Variants in FOXP2 observed in about 807,000 individuals in gnomAD.
FOXP2 encodes the protein forkhead box protein P2.
In FOXP2, 12 loss-of-function variants were observed where a neutral mutation model predicts 115.8. The observed-to-expected ratio is 0.10, with a 90% confidence interval of 0.07 to 0.17. The LOEUF is 0.17. FOXP2 is among the 10% of genes least tolerant of loss of function. FOXP2 has a pLI of 1.00. For synonymous variants in FOXP2, 328 were observed against 297.7 expected, an observed-to-expected ratio of 1.10 and a Z score of -1.05; for missense variants, 629 against 843.5, an observed-to-expected ratio of 0.75 and a Z score of 3.15.
At chr7:114,684,978 G>A (rs1808284880) in intron 16 of FOXP2, among the ~76,000 whole-genome samples, 1 of 151,576 alleles carries the variant, frequency 6.6e-6, no homozygotes, top group South Asian at 2.1e-4. Flanking sequence ...TAGTTGTTGA[G>A]TTCAGTTGGT....
intron 2 of FOXP2, among the ~76,000 whole-genome samples, chr7:114,408,772 ATGTGTGCCT>A (rs1793097410): frequency 6.6e-6 from 1 of 151,960 alleles, no homozygotes; most frequent in African/African-American, 2.4e-5. Flanking sequence ...AATACAATGA[ATGTGTGCCT>A]TATCTTTTCA....
At chr7:114,189,422 C>T (rs1793697375) in intron 1 of FOXP2, among the ~76,000 whole-genome samples, 1 of 152,016 alleles carries the variant, frequency 6.6e-6, no homozygotes, top group Non-Finnish European at 1.5e-5. Context: ...GATGGTAAAC[C>T]TTTAAAATTA....
intron 1 of FOXP2, among the ~76,000 whole-genome samples, chr7:114,189,651 T>C (rs1327448520): frequency 6.6e-6 from 1 of 152,170 alleles, no homozygotes; most frequent in African/African-American, 2.4e-5. Flanking sequence ...GAAACAGTAA[T>C]ATATAGTTAA....
At chr7:114,480,859 G>A (rs1456302051) in intron 2 of FOXP2, among the ~76,000 whole-genome samples, 1 of 150,992 alleles carries the variant, frequency 6.6e-6, no homozygotes, top group Non-Finnish European at 1.5e-5. Context: ...AGAGTTGACA[G>A]TGATCATTAA....
Position 114,678,391 on chromosome 7 carries a change from C to A in FOXP2, c.2004-11391C>A, listed in dbSNP as rs150735477. On this transcript the variant is annotated intron_variant, in intron 16 of 16. Transcript: ENST00000350908. ...GGAGTTTGAGAGCCGTGTCTTATAG[C>A]TCATTAATTTCCAAGCTGCTGATAT... 3.1e-3 allele frequency among the ~76,000 whole-genome samples: 471 copies of A among 152,082 alleles called. 4 individuals carry two copies. Among genetic ancestry groups the A allele is most frequent in the African/African-American group, 0.01 (430 of 41,488 alleles).
intron 1 of FOXP2, among the ~76,000 whole-genome samples, chr7:114,239,039 A>C (rs1033029915): frequency 4.0e-5 from 6 of 150,874 alleles, no homozygotes; most frequent in Non-Finnish European, 8.8e-5. Context: ...CGTTTCAGTT[A>C]TAGCTTTACA....
chr7:114,519,229 G>T (rs140224918), intron 2 of FOXP2, among the ~76,000 whole-genome samples: 1 of 152,102 alleles, frequency 6.6e-6, no homozygotes, highest in Non-Finnish European at 1.5e-5. Context: ...GTCTAATTTG[G>T]TGTTGGCAGG....
Position 114,642,779 on chromosome 7 carries a change from A to AATATATAT in FOXP2, c.989+183_989+190dup, listed in dbSNP as rs869055954. 1.1e-3 allele frequency among the ~76,000 whole-genome samples: 104 copies of AATATATAT among 91,136 alleles called. No homozygotes were observed. The East Asian group carries it at 0.022, about 20-fold the overall frequency. 59.8% of individuals were successfully genotyped at this position (91,136 alleles called of 152,430 possible). ...AGATTATTTATCTTATTTTATATAT[A>AATATATAT]ATATATATATATATATATATATATA... On this transcript the variant is annotated intron_variant, in intron 7 of 16. Coordinates refer to ENST00000350908, the MANE Select transcript of FOXP2 (RefSeq NM_014491.4).
intron 16 of FOXP2, chr7:114,669,516 C>T (rs1474395342): frequency 1.3e-5 from 2 of 151,950 alleles, no homozygotes; most frequent in African/African-American, 4.8e-5. Flanking sequence ...CCCTTATGCA[C>T]CTGAATGCCA....
intron 2 of FOXP2, among the ~76,000 whole-genome samples, chr7:114,473,669 G>A (rs1006960752): frequency 2.0e-5 from 3 of 152,020 alleles, no homozygotes; most frequent in Non-Finnish European, 4.4e-5. Context: ...ATATTGAAAT[G>A]ACTCCAAACC....
At chr7:114,521,198 T>C (rs760736459) in intron 2 of FOXP2, among the ~76,000 whole-genome samples, 7 of 152,168 alleles carry the variant, frequency 4.6e-5, no homozygotes, top group Admixed American at 1.3e-4. Context: ...ATTTAAAAGA[T>C]TTTAATAGAA....
At chr7:114,366,705 T>G (rs1367129122) in intron 2 of FOXP2, 2 of 152,212 alleles carry the variant, frequency 1.3e-5, no homozygotes. Flanking sequence ...GTTGATAGAC[T>G]TTTAAGCTGT....
chr7:114,115,901 A>G (rs977997933), intron 1 of FOXP2, among the ~76,000 whole-genome samples: 1 of 152,172 alleles, frequency 6.6e-6, no homozygotes, highest in Admixed American at 6.6e-5. Flanking sequence ...AAATGAGTGA[A>G]TAAATGAATG....
chr7:114,413,376 A>G (rs558558858), upstream of FOXP2, among the ~76,000 whole-genome samples: 2 of 152,032 alleles, frequency 1.3e-5, no homozygotes, highest in Non-Finnish European at 2.9e-5. Flanking sequence ...TGCTCATATA[A>G]TTTCATTTGC....
intron 2 of FOXP2, among the ~76,000 whole-genome samples, chr7:114,518,532 A>T (rs1036575453): frequency 6.6e-6 from 1 of 150,806 alleles, no homozygotes; most frequent in African/African-American, 2.4e-5. Flanking sequence ...TTTGAGATGG[A>T]GTCTCTGTTG....
In FOXP2 at chr7:114,184,844, TTAAACACA is replaced by T. The variant is rs1384246820; in HGVS notation, c.-102+21758_-102+21765del. 4.6e-5 allele frequency among the ~76,000 whole-genome samples: 7 copies of T among 152,302 alleles called. No individual in the cohort carries two copies. The South Asian group carries it at 8.3e-4, about 18-fold the overall frequency. ...CATATAATTTCATAAGTAGATGACC[TTAAACACA>T]TTTTACTAATGAGAGCAATGAATAA... On this transcript the variant is annotated intron_variant, in intron 1 of 17. Transcript: ENST00000634411.
chr7:114,440,748 T>C (rs548018866), intron 2 of FOXP2, among the ~76,000 whole-genome samples: 2 of 152,192 alleles, frequency 1.3e-5, no homozygotes, highest in African/African-American at 4.8e-5. Flanking sequence ...CCATATATCA[T>C]CCATGGCTAT....
chr7:114,396,486 T>C (rs1447592217), intron 2 of FOXP2, among the ~76,000 whole-genome samples: 1 of 152,182 alleles, frequency 6.6e-6, no homozygotes, highest in African/African-American at 2.4e-5. Flanking sequence ...AACATACTGA[T>C]TTCATTTTCT....
intron 1 of FOXP2, among the ~76,000 whole-genome samples, chr7:114,248,163 G>A (rs1405392128): frequency 1.3e-5 from 2 of 149,118 alleles, no homozygotes; most frequent in Admixed American, 6.7e-5. Context: ...GAGAAGACCA[G>A]TGTCCCAGCT....
Sources: allele counts gnomAD v4.1 joint callset (sites outside exome capture counted in the v4.1 genomes callset), GRCh38; gene constraint gnomAD v4.1.1; transcripts MANE v1.5; gene names NCBI Gene and HGNC (gene_info 2026-07-23, HGNC 2026-07-21).